Variants in ABI3BP observed in about 807,000 individuals in gnomAD.
The protein encoded by ABI3BP is target of Nesh-SH3.
Under a neutral mutation model 268.6 loss-of-function variants are expected in ABI3BP, and 216 were observed. The observed-to-expected ratio is 0.80, with a 90% CI of 0.72 to 0.90. The LOEUF is 0.90. Among genes scored for constraint, ABI3BP ranks in the 40% least tolerant of loss-of-function variants. The pLI, the probability that ABI3BP is intolerant of heterozygous loss-of-function variation, is 0.00. For synonymous variants in ABI3BP, 730 were observed against 730.0 expected (o/e 1.00, Z 0.00); for missense variants, 2,090 against 2,182.4 (o/e 0.96, Z 0.84).
chr3:100,896,220 G>A (rs2047593555), intron 4 of ABI3BP, among the ~76,000 whole-genome samples: 1 of 152,180 alleles, frequency 6.6e-6, no homozygotes, highest in South Asian at 2.1e-4. Flanking sequence ...GGGTGCGTGT[G>A]CAAGGGGGTG....
At chr3:100,751,006 A>G (rs1450647287) in intron 67 of ABI3BP, among the ~76,000 whole-genome samples, 3 of 152,180 alleles carry the variant, frequency 2.0e-5, no homozygotes, top group East Asian at 3.8e-4. Flanking sequence ...ACTAATAGGA[A>G]CAATTAATTT....
chr3:100,839,622 G>A lies in ABI3BP; in HGVS notation c.1898-6C>T. 6 of 1,535,806 alleles carry A rather than the reference G, an allele frequency of 3.9e-6. No individual in the cohort carries two copies. The highest frequency in any genetic ancestry group is 5.2e-6 in the Non-Finnish European group (6 of 1,146,644). ...TATCGTGGCAGGTTCCAGAGCTACA[G>A]AAGCAAATACCAAAAACATGAAATA... On this transcript the variant is annotated splice_polypyrimidine_tract_variant and splice_region_variant and intron_variant, in intron 23 of 67. Transcript: ENST00000471714.
chr3:100,806,503 C>T (rs369647402), intron 50 of ABI3BP, among the ~76,000 whole-genome samples: 9 of 152,086 alleles, frequency 5.9e-5, no homozygotes, highest in East Asian at 1.9e-4. Flanking sequence ...GAAACTATTA[C>T]GTAAGAATCA....
chr3:100,960,827 T>C (rs2078831847), intron 1 of ABI3BP, among the ~76,000 whole-genome samples: 1 of 152,186 alleles, frequency 6.6e-6, no homozygotes, highest in South Asian at 2.1e-4. Flanking sequence ...TGAAACTTAC[T>C]TCTGCAAAGA....
intron 14 of ABI3BP, among the ~76,000 whole-genome samples, chr3:100,857,626 G>T (rs1163509907): frequency 1.3e-5 from 2 of 152,140 alleles, no homozygotes; most frequent in Non-Finnish European, 2.9e-5. Context: ...TTCCTCAGTT[G>T]TAAAGGCTGT....
At chr3:100,795,673 GTAA>G (rs1320607991) in intron 53 of ABI3BP, 128 bp downstream of exon 53, 37 of 766,160 alleles carry the variant, frequency 4.8e-5, no homozygotes, top group Middle Eastern at 2.9e-4. Context: ...TTTGGAAAGA[GTAA>G]TAATAATGAG....
At chr3:100,780,271 T>A in intron 57 of ABI3BP, 62 bp from the exon 58 acceptor site, 1 of 1,492,046 alleles carries the variant, frequency 6.7e-7, no homozygotes, top group Non-Finnish European at 9.3e-7. Context: ...GGAAACTTGG[T>A]AGAGTTGCCA....
At chr3:100,821,770 T>G (rs2098237012) in intron 38 of ABI3BP, among the ~76,000 whole-genome samples, 1 of 151,744 alleles carries the variant, frequency 6.6e-6, no homozygotes, top group African/African-American at 2.4e-5. Flanking sequence ...GCCCAGCTAA[T>G]TTTTGTATTT....
At chr3:100,911,111 G>A in intron 2 of ABI3BP, 2 of 325,234 alleles carry the variant, frequency 6.1e-6, no homozygotes, top group African/African-American at 2.3e-5. Context: ...GTCTCTAACT[G>A]CTGTGATTTC....
At chr3:100,809,435 A>C (rs2097791864) in intron 49 of ABI3BP, among the ~76,000 whole-genome samples, 1 of 152,110 alleles carries the variant, frequency 6.6e-6, no homozygotes, top group Non-Finnish European at 1.5e-5. Context: ...AATTCCATGA[A>C]AAATGATACA....
intron 1 of ABI3BP, among the ~76,000 whole-genome samples, chr3:100,960,804 T>C (rs569475554): frequency 1.3e-5 from 2 of 152,310 alleles, no homozygotes; most frequent in South Asian, 4.1e-4. Context: ...AGGGTCCTCA[T>C]TTAATGACCA....
Position 100,806,771 on chromosome 3 carries a change from C to T in ABI3BP, c.3682+1390G>A, listed in dbSNP as rs2097720575. On this transcript the variant is annotated intron_variant, in intron 50 of 67. Coordinates refer to ENST00000471714, the MANE Select transcript of ABI3BP (RefSeq NM_001375547.2). ...GGTTTCAGAGTTAGAGAGTGGAACTCACTGAGGATGTGAATCTATCTATTC... is the reference window on the plus strand; with the variant it reads ...GGTTTCAGAGTTAGAGAGTGGAACTTACTGAGGATGTGAATCTATCTATTC... Among the ~76,000 whole-genome samples the T allele has an allele frequency of 2.0e-5, 3 of 152,058 alleles. 1 individual carries two copies. Among genetic ancestry groups the T allele is most frequent in the Admixed American group, 2.0e-4 (3 of 15,226 alleles).
At chr3:100,884,297 A>G (rs1311155582) in intron 6 of ABI3BP, among the ~76,000 whole-genome samples, 1 of 152,088 alleles carries the variant, frequency 6.6e-6, no homozygotes, top group African/African-American at 2.4e-5. Context: ...AGAAAAAAAA[A>G]CAGGCCTAGG....
chr3:100,822,726 A>G, intron 37 of ABI3BP, 54 bp from the exon 38 acceptor site: 2 of 1,478,782 alleles, frequency 1.4e-6, no homozygotes, highest in Non-Finnish European at 1.8e-6. Flanking sequence ...ATGATTCTGG[A>G]AGCTGTGTGA....
intron 1 of ABI3BP, among the ~76,000 whole-genome samples, chr3:100,959,531 G>C (rs1488655849): frequency 2.3e-5 from 3 of 129,614 alleles, no homozygotes; most frequent in African/African-American, 8.5e-5. Flanking sequence ...GGCTGAATCA[G>C]AACAACAAAA....
At chr3:100,985,702 T>G (rs1972991) in intron 1 of ABI3BP, among the ~76,000 whole-genome samples, 57,736 of 151,950 alleles carry the variant, frequency 0.38, 12,000 homozygotes, top group Admixed American at 0.48. Flanking sequence ...AAGGTCCATA[T>G]TGGGTGCTGA....
intron 57 of ABI3BP, 81 bp downstream of exon 57, chr3:100,787,647 G>A: frequency 2.6e-6 from 3 of 1,167,422 alleles, no homozygotes; most frequent in African/African-American, 1.6e-5. Flanking sequence ...AAATTAAAAT[G>A]TGAATTCAGC....
At position 100,749,919 on chromosome 3, in the gene ABI3BP, T is replaced by A. The variant is rs2095229039; in HGVS notation, c.*576A>T. The A allele has an allele frequency of 5.1e-6, 2 of 392,860 alleles. No individual in the cohort carries two copies. Among genetic ancestry groups the A allele is most frequent in the East Asian group, 3.6e-5 (1 of 27,768 alleles). The allele number at this position is 392,860 out of a possible 1,614,324, so 24.3% of individuals were successfully genotyped here. On this transcript the variant is annotated 3_prime_UTR_variant, in exon 68 of 68. Coordinates refer to ENST00000471714, the MANE Select transcript of ABI3BP (RefSeq NM_001375547.2). ...TAAAGGAAATGTATATTAGCATGAA[T>A]GTGTAACTATTAAACTCCTCCGCAA...
intron 1 of ABI3BP, among the ~76,000 whole-genome samples, chr3:100,938,101 C>G (rs752392757): frequency 4.0e-5 from 6 of 151,896 alleles, no homozygotes; most frequent in Non-Finnish European, 8.8e-5. Flanking sequence ...ACGATGAGAA[C>G]ATATGGACAC....
Sources: allele counts gnomAD v4.1 joint callset (sites outside exome capture counted in the v4.1 genomes callset), GRCh38; gene constraint gnomAD v4.1.1; transcripts MANE v1.5; gene names NCBI Gene and HGNC (gene_info 2026-07-23, HGNC 2026-07-21).